CDK6: variants seen among roughly 807,000 people sequenced by gnomAD.
The protein encoded by CDK6 is cyclin-dependent kinase 6.
A neutral mutation model predicts 37.1 loss-of-function variants in CDK6; 6 were observed. The observed-to-expected ratio is 0.16, with a 90% CI of 0.09 to 0.32. The LOEUF (loss-of-function observed/expected upper bound fraction) is 0.32. Among genes scored for constraint, CDK6 ranks in the 10% least tolerant of loss-of-function variants. The pLI is 1.00. For missense variants in CDK6, 224 were observed against 418.9 expected (o/e 0.53, Z 4.06); for synonymous variants, 160 against 161.3 (o/e 0.99, Z 0.06).
intron 5 of CDK6, among the ~76,000 whole-genome samples, chr7:92,655,793 C>T (rs1361541784): frequency 6.6e-6 from 1 of 152,246 alleles, no homozygotes. Context: ...TGCAATGTTT[C>T]AATTAGCAAG....
rs1046302113 is a variant in CDK6, at chr7:92,798,071, G to C, written c.234-23240C>G. Among the ~76,000 whole-genome samples, 3 of 152,252 alleles carry C rather than the reference G, an allele frequency of 2.0e-5. No homozygotes were observed. In the East Asian group the frequency reaches 5.8e-4, roughly 29 times the overall value. ...AATGACTCGTCCTGAATGATGACTTGACTTTTCAAGTGAATTTTGTCAACA... is the reference window on the plus strand; with the variant it reads ...AATGACTCGTCCTGAATGATGACTTCACTTTTCAAGTGAATTTTGTCAACA... On this transcript the variant is annotated intron_variant, in intron 2 of 7. Transcript: ENST00000424848.
intron 4 of CDK6, among the ~76,000 whole-genome samples, chr7:92,694,823 T>TTA (rs752471825): frequency 1.1e-4 from 16 of 151,918 alleles, no homozygotes; most frequent in African/African-American, 2.4e-4. Flanking sequence ...AAATAGAAAA[T>TTA]TATATATATA....
intron 3 of CDK6, among the ~76,000 whole-genome samples, chr7:92,735,450 G>C (rs1054010718): frequency 1.3e-5 from 2 of 152,124 alleles, no homozygotes; most frequent in Non-Finnish European, 2.9e-5. Context: ...TGTCTATGAA[G>C]TCCCAATTTT....
At chr7:92,652,639 C>T (rs6948097) in intron 5 of CDK6, among the ~76,000 whole-genome samples, 31,445 of 152,048 alleles carry the variant, frequency 0.21, 3,929 homozygotes, top group Middle Eastern at 0.36. Flanking sequence ...CTCATCCAGA[C>T]GCTGTTGTGA....
At chr7:92,741,813 A>G (rs573509545) in intron 3 of CDK6, among the ~76,000 whole-genome samples, 1 of 152,348 alleles carries the variant, frequency 6.6e-6, no homozygotes, top group South Asian at 2.1e-4. Context: ...GTAATGGCAC[A>G]TAACTTTCTA....
At chr7:92,745,803 T>C (rs182871911) in intron 3 of CDK6, among the ~76,000 whole-genome samples, 254 of 152,280 alleles carry the variant, frequency 1.7e-3, no homozygotes, top group Middle Eastern at 0.01. Context: ...CATACTATAT[T>C]TATCAATCCA....
chr7:92,623,157 C>A, intron 5 of CDK6, 71 bp from the exon 6 acceptor site: 1 of 1,044,074 alleles, frequency 9.6e-7, no homozygotes, highest in South Asian at 1.4e-5. Context: ...TTGCCATTAT[C>A]ATTGTTTCAC....
intron 2 of CDK6, among the ~76,000 whole-genome samples, chr7:92,819,795 A>G (rs1229765723): frequency 1.3e-5 from 2 of 152,108 alleles, no homozygotes; most frequent in African/African-American, 2.4e-5. Flanking sequence ...AATTACTGAG[A>G]GTAAATTCAG....
chr7:92,645,069 C>G (rs1211183245), intron 5 of CDK6, among the ~76,000 whole-genome samples: 1 of 152,166 alleles, frequency 6.6e-6, no homozygotes, highest in Non-Finnish European at 1.5e-5. Flanking sequence ...CGCAAAAGCT[C>G]TTGAGTGGCA....
chr7:92,699,461 T>A (rs961199389), intron 4 of CDK6, among the ~76,000 whole-genome samples: 1 of 152,242 alleles, frequency 6.6e-6, no homozygotes, highest in African/African-American at 2.4e-5. Flanking sequence ...ACTATTTACA[T>A]TTTTCTACTA....
chr7:92,745,414 T>C (rs1290065692), intron 3 of CDK6, among the ~76,000 whole-genome samples: 3 of 152,216 alleles, frequency 2.0e-5, no homozygotes, highest in Non-Finnish European at 4.4e-5. Context: ...AGAACTCTAC[T>C]ATGACCTCGA....
At chr7:92,696,798 T>A (rs1797727138) in intron 4 of CDK6, among the ~76,000 whole-genome samples, 1 of 152,212 alleles carries the variant, frequency 6.6e-6, no homozygotes, top group South Asian at 2.1e-4. Flanking sequence ...AATTCTAATA[T>A]TCAGAGTCTA....
intron 6 of CDK6, among the ~76,000 whole-genome samples, chr7:92,619,218 T>C (rs1339036935): frequency 6.6e-6 from 1 of 152,204 alleles, no homozygotes; most frequent in Non-Finnish European, 1.5e-5. Context: ...AATACATCAC[T>C]ACCACACTTA....
chr7:92,614,270 A>T lies in CDK6; in HGVS notation c.*870T>A, dbSNP rs942919810. The T allele has an allele frequency of 3.3e-4, 77 of 232,950 alleles. No homozygotes were observed. Among genetic ancestry groups the T allele is most frequent in the Middle Eastern group, 1.3e-3 (1 of 786 alleles). 14.4% of individuals were successfully genotyped at this position (232,950 alleles called of 1,614,324 possible). A position where few individuals can be genotyped will look rare whatever the true frequency, so the allele number is the denominator to read the frequency against. ...ATAAAGGCTTTCTATTCTTTTTTTTAAAATCTATCTGAGGTACACTCCCTA... is the reference window on the plus strand; with the variant it reads ...ATAAAGGCTTTCTATTCTTTTTTTTTAAATCTATCTGAGGTACACTCCCTA... On this transcript the variant is annotated 3_prime_UTR_variant, in exon 8 of 8. Transcript: ENST00000424848.
intron 2 of CDK6, among the ~76,000 whole-genome samples, chr7:92,798,669 GA>G (rs1477855395): frequency 6.6e-6 from 1 of 152,134 alleles, no homozygotes; most frequent in East Asian, 1.9e-4. Context: ...CAAGTGTGCT[GA>G]CCACTTTAAA....
rs1306063832 is a variant in CDK6, at chr7:92,609,533, G to A, written c.*5607C>T. On this transcript the variant is annotated 3_prime_UTR_variant, in exon 8 of 8. Coordinates refer to ENST00000424848, the MANE Select transcript of CDK6 (RefSeq NM_001145306.2). ...TATTTTAGGGCTCTGTTTCAATACA[G>A]CAATTTTTCAGACAAAAGTTTTGTC... 8.8e-6 allele frequency: 2 copies of A among 228,376 alleles called. No individual in the cohort carries two copies. Among genetic ancestry groups the A allele is most frequent in the Admixed American group, 5.7e-5 (1 of 17,602 alleles). The allele number at this position is 228,376 out of a possible 1,614,324, so 14.1% of individuals were successfully genotyped here. A position where few individuals can be genotyped will look rare whatever the true frequency, so the allele number is the denominator to read the frequency against.
chr7:92,722,836 G>A (rs544124428), intron 4 of CDK6, among the ~76,000 whole-genome samples: 201 of 152,294 alleles, frequency 1.3e-3, no homozygotes, highest in African/African-American at 4.6e-3. Context: ...ATCTGCCTTC[G>A]AGGAACTTAT....
At chr7:92,722,745 C>T (rs1274568624) in intron 4 of CDK6, among the ~76,000 whole-genome samples, 1 of 152,198 alleles carries the variant, frequency 6.6e-6, no homozygotes, top group Non-Finnish European at 1.5e-5. Flanking sequence ...CAGCATTTGT[C>T]AATTTATTCA....
intron 2 of CDK6, among the ~76,000 whole-genome samples, chr7:92,809,898 T>G (rs570846171): frequency 6.6e-6 from 1 of 152,192 alleles, no homozygotes; most frequent in Non-Finnish European, 1.5e-5. Flanking sequence ...CGTGAGCATA[T>G]GCAACATCCT....
Sources: allele counts gnomAD v4.1 joint callset (sites outside exome capture counted in the v4.1 genomes callset), GRCh38; gene constraint gnomAD v4.1.1; transcripts MANE v1.5; gene names NCBI Gene and HGNC (gene_info 2026-07-23, HGNC 2026-07-21).